The following SLC6A3 variants were observed in gnomAD, a reference collection of about 807,000 sequenced individuals.
SLC6A3 encodes the protein solute carrier family 6 member 3.
Under a neutral mutation model 70.4 loss-of-function variants are expected in SLC6A3, and 19 were observed. That is an observed-to-expected ratio of 0.27 (90% CI 0.19 to 0.40). The LOEUF is 0.40. Ranked by LOEUF, SLC6A3 falls within the 10% of genes least tolerant of loss-of-function variation. SLC6A3 has a pLI of 1.00. For synonymous variants in SLC6A3, 368 were observed against 356.6 expected (o/e 1.03, Z -0.36); for missense variants, 613 against 838.5 (o/e 0.73, Z 3.32).
In SLC6A3 at chr5:1,393,379, T is replaced by C. The variant is rs28363172; in HGVS notation, c.*1356A>G. ...TTATTCTTGTAAACAAAAACTGCAA[T>C]ATCAGCAAGCAGGCTCGCGGATACT... On this transcript the variant is annotated 3_prime_UTR_variant, in exon 15 of 15. Coordinates refer to ENST00000270349, the MANE Select transcript of SLC6A3 (RefSeq NM_001044.5). The C allele has an allele frequency of 1.4e-3, 213 of 152,796 alleles. 1 individual carries two copies. The highest frequency in any genetic ancestry group is 4.4e-3 in the African/African-American group (185 of 41,596). 9.5% of individuals were successfully genotyped at this position (152,796 alleles called of 1,614,324 possible). A position where few individuals can be genotyped will look rare whatever the true frequency, so the allele number is the denominator to read the frequency against.
chr5:1,431,330 C>T (rs1756696300), intron 4 of SLC6A3, among the ~76,000 whole-genome samples: 1 of 152,196 alleles, frequency 6.6e-6, no homozygotes, highest in Admixed American at 6.5e-5. Context: ...TCGGAGACAT[C>T]GGGGTCCAGG....
chr5:1,444,919 A>G (rs929086321), intron 1 of SLC6A3, among the ~76,000 whole-genome samples: 3 of 151,814 alleles, frequency 2.0e-5, no homozygotes, highest in African/African-American at 4.8e-5. Context: ...ACCACCCCCA[A>G]CACAGACAAA....
At chr5:1,443,365 G>T in intron 1 of SLC6A3, 123 bp from the exon 2 acceptor site, 1 of 785,574 alleles carries the variant, frequency 1.3e-6, no homozygotes, top group Non-Finnish European at 2.2e-6. Flanking sequence ...TCTGGGAAGG[G>T]ATGGGTGCGT....
At chr5:1,443,828 C>T (rs990586021) in intron 1 of SLC6A3, among the ~76,000 whole-genome samples, 4 of 151,960 alleles carry the variant, frequency 2.6e-5, no homozygotes, top group African/African-American at 4.8e-5. Context: ...ACCACAGCAC[C>T]GGCTAAGTTA....
chr5:1,436,816 C>T lies in SLC6A3; in HGVS notation c.419-4118G>A, dbSNP rs1218698664. ...ACGGCCACCCTGCCCCACCCCTGAACACCAGTACACCCCAGGGCACCCACG... is the reference window on the plus strand; with the variant it reads ...ACGGCCACCCTGCCCCACCCCTGAATACCAGTACACCCCAGGGCACCCACG... On this transcript the variant is annotated intron_variant, in intron 3 of 14. Transcript: ENST00000270349. This position sits in a 1 kb window ranked among gnomAD's most constrained non-coding sequence, Gnocchi z 5.2. Among the ~76,000 whole-genome samples, 2 of 152,200 alleles carry T rather than the reference C, an allele frequency of 1.3e-5. No individual in the cohort carries two copies. Among genetic ancestry groups the T allele is most frequent in the Admixed American group, 1.3e-4 (2 of 15,280 alleles).
At position 1,414,757 on chromosome 5, in the gene SLC6A3, C is replaced by T. The variant is rs565107249; in HGVS notation, c.1090G>A (p.Val364Ile). ...SLTSFSSGFV[V>I]FSFLGYMAQK... is the part of the protein sequence containing the mutation. The stretch of plus-strand genomic sequence containing the variant: ...GCCATGTACCCCAGGAAGGAGAAGA[C>T]GACGAAGCCGGAGGAGAAGCTCGTC... Residue 364 changes from valine to isoleucine, a missense_variant, in exon 8 of 15, where the codon GTC (valine) becomes ATC (isoleucine). By Grantham distance (29) the Val-to-Ile change is conservative. Around this residue, in one of 4 missense-constraint regions of SLC6A3, gnomAD observed 348 missense variants for 481.2 expected, o/e 0.72. Transcript: ENST00000270349. 9.9e-5 allele frequency: 159 copies of T among 1,612,862 alleles called. No individual in the cohort carries two copies. In the South Asian group the frequency reaches 1.4e-3, roughly 15 times the overall value.
rs1411357782 is a variant in SLC6A3 at position 1,405,530 on chromosome 5, C to T, written c.1599+658G>A. On this transcript the variant is annotated intron_variant, in intron 12 of 14. Transcript: ENST00000270349. This position sits in a 1 kb window ranked among gnomAD's most constrained non-coding sequence, Gnocchi z 5.3. ...TTGGACAGCTCTTAGGTTGCCTGCC[C>T]AGATCAGGCAGCACAGCTTTGCTTT... Among the ~76,000 whole-genome samples, 33 of 152,228 alleles carry T rather than the reference C, an allele frequency of 2.2e-4. 1 individual carries two copies. The highest frequency in any genetic ancestry group is 2.2e-3 in the Admixed American group (33 of 15,290).
Position 1,394,568 on chromosome 5 carries a change from G to A in SLC6A3, c.*167C>T. The A allele has an allele frequency of 1.3e-6, 1 of 763,304 alleles. No individual in the cohort carries two copies. Among genetic ancestry groups the A allele is most frequent in the Admixed American group, 1.9e-5 (1 of 52,144 alleles). 47.3% of individuals were successfully genotyped at this position (763,304 alleles called of 1,614,324 possible). A position where few individuals can be genotyped will look rare whatever the true frequency, so the allele number is the denominator to read the frequency against. On this transcript the variant is annotated 3_prime_UTR_variant, in exon 15 of 15. Coordinates refer to ENST00000270349, the MANE Select transcript of SLC6A3 (RefSeq NM_001044.5). The surrounding 1 kb of genome is among the most constrained non-coding windows in gnomAD (Gnocchi z 4.7). ...GCGAGGTGCGCTCCCGGCACGGAAA[G>A]GTGTAAACAGTCAGAAGAGAGGAGT...
chr5:1,411,538 A>G lies in SLC6A3; in HGVS notation c.1157-183T>C, dbSNP rs1243419189. 3.3e-5 allele frequency among the ~76,000 whole-genome samples: 5 copies of G among 152,206 alleles called. No homozygotes were observed. The highest frequency in any genetic ancestry group is 3.3e-4 in the Admixed American group (5 of 15,280). ...CCAGGCCTGGGACTCAGGAAAGCGG[A>G]AACCCAGAACTGATCAGAGGGCTTT... On this transcript the variant is annotated intron_variant, in intron 8 of 14. Transcript: ENST00000270349. The surrounding 1 kb of genome is among the most constrained non-coding windows in gnomAD (Gnocchi z 6.5).
At position 1,409,105 on chromosome 5, in the gene SLC6A3, C is replaced by G; in HGVS notation, c.1419G>C (p.Thr473=). 6.2e-7 allele frequency: 1 copy of G among 1,611,726 alleles called. No individual in the cohort carries two copies. Among genetic ancestry groups the G allele is most frequent in the Non-Finnish European group, 8.5e-7 (1 of 1,179,180 alleles). ...CVTNGGIYVF[T]LLDHFAAGTS... is the part of the protein sequence containing the mutation. ...TGCCGGCTGCAAAATGGTCCAGGAG[C>G]GTGAAGACGTAGATGCCACCCTGGA... Residue 473 remains threonine, a synonymous_variant, in exon 11 of 15, where the codon ACG becomes ACC. Coordinates refer to ENST00000270349, the MANE Select transcript of SLC6A3 (RefSeq NM_001044.5).
rs919406413 is a variant in SLC6A3 at position 1,404,441 on chromosome 5, T to C, written c.1600-1352A>G. Among the ~76,000 whole-genome samples, 2 of 152,234 alleles carry C rather than the reference T, an allele frequency of 1.3e-5. No homozygotes were observed. The highest frequency in any genetic ancestry group is 4.8e-5 in the African/African-American group (2 of 41,466). On this transcript the variant is annotated intron_variant, in intron 12 of 14. Transcript: ENST00000270349. The surrounding 1 kb of genome is among the most constrained non-coding windows in gnomAD (Gnocchi z 5.2). Reference sequence around the variant, plus strand: ...TATTGCTGTAATGTGCTCTCTGTTATTGTTCAACTTCTTGCTAGATACCAC... The same window carrying C: ...TATTGCTGTAATGTGCTCTCTGTTACTGTTCAACTTCTTGCTAGATACCAC...
At position 1,409,717 on chromosome 5, in the gene SLC6A3, G is replaced by T. The variant is rs567904721; in HGVS notation, c.1398+4C>A. 1.9e-6 allele frequency: 3 copies of T among 1,613,164 alleles called. No individual in the cohort carries two copies. Among genetic ancestry groups the T allele is most frequent in the Admixed American group, 1.7e-5 (1 of 60,034 alleles). On this transcript the variant is annotated splice_donor_region_variant and intron_variant, in intron 10 of 14. Transcript: ENST00000270349. ...GAGAAGGCGAAGCCGGCGATGGTAC[G>T]TACGTTGGTGACGCAGAACAGGGAC...
chr5:1,407,004 A>C (rs1213305629), intron 11 of SLC6A3, among the ~76,000 whole-genome samples: 1 of 152,240 alleles, frequency 6.6e-6, no homozygotes, highest in Non-Finnish European at 1.5e-5. Context: ...ATATTCCGTC[A>C]TGAGTATACC....
intron 4 of SLC6A3, among the ~76,000 whole-genome samples, chr5:1,425,916 C>T (rs910730704): frequency 1.3e-5 from 2 of 152,130 alleles, no homozygotes; most frequent in African/African-American, 4.8e-5. Context: ...TGAAGAGATG[C>T]CCAACAGTCA....
rs757293779 is a variant in SLC6A3, at chr5:1,422,033, G to A, written c.654-19C>T. On this transcript the variant is annotated intron_variant, in intron 4 of 14. Coordinates refer to ENST00000270349, the MANE Select transcript of SLC6A3 (RefSeq NM_001044.5). ...GCCACGTCTGCAGAGGGGAGTCAGC[G>A]GGGGACTCTGTGGGTGGCTGTCAAC... 22 of 1,606,576 alleles carry A rather than the reference G, an allele frequency of 1.4e-5. No individual in the cohort carries two copies. Among genetic ancestry groups the A allele is most frequent in the East Asian group, 6.7e-5 (3 of 44,840 alleles).
At position 1,443,156 on chromosome 5, in the gene SLC6A3, C is replaced by G; in HGVS notation, c.42G>C (p.Val14=). Reference sequence around the variant, plus strand: ...CATTGGGCTCCTTAGCCGGGGCCACCACGGAAGACATGAGTCCCACGGAGC... The same window carrying G: ...CATTGGGCTCCTTAGCCGGGGCCACGACGGAAGACATGAGTCCCACGGAGC... ...SKCSVGLMSS[V]VAPAKEPNAV... Residue 14 remains valine, a synonymous_variant, in exon 2 of 15, where the codon GTG becomes GTC. Transcript: ENST00000270349. The G allele has an allele frequency of 6.2e-7, 1 of 1,614,260 alleles. No homozygotes were observed. The highest frequency in any genetic ancestry group is 8.5e-7 in the Non-Finnish European group (1 of 1,180,048).
chr5:1,403,073 C>G lies in SLC6A3; in HGVS notation c.1616G>C (p.Ser539Thr). 1.2e-6 allele frequency: 2 copies of G among 1,613,706 alleles called. No homozygotes were observed. The highest frequency in any genetic ancestry group is 1.7e-6 in the Non-Finnish European group (2 of 1,180,006). The change falls in exon 13 of 15, where the codon AGC (serine) becomes ACC (threonine). Residue 539 changes from serine to threonine, a missense_variant. Coordinates refer to ENST00000270349, the MANE Select transcript of SLC6A3 (RefSeq NM_001044.5). ...GTGGGGGGGTCTGAAGGTCACAATGCTGACCACGACCACGAACTGCAACCA... is the reference window on the plus strand; with the variant it reads ...GTGGGGGGGTCTGAAGGTCACAATGGTGACCACGACCACGAACTGCAACCA... ...PCFLLFVVVV[S>T]IVTFRPPHYG...
chr5:1,401,098 C>A lies in SLC6A3; in HGVS notation c.1768-112G>T, dbSNP rs1755840076. The A allele has an allele frequency of 2.5e-6, 2 of 811,746 alleles. No homozygotes were observed. Among genetic ancestry groups the A allele is most frequent in the East Asian group, 5.3e-5 (2 of 37,684 alleles). The allele number at this position is 811,746 out of a possible 1,614,324, so 50.3% of individuals were successfully genotyped here. On this transcript the variant is annotated intron_variant, in intron 13 of 14. Coordinates refer to ENST00000270349, the MANE Select transcript of SLC6A3 (RefSeq NM_001044.5). This position sits in a 1 kb window ranked among gnomAD's most constrained non-coding sequence, Gnocchi z 6.1. ...CCTACCAGCACCCTCACCACCAGCC[C>A]TCCTCACCTGCCAATGCCCACCCGC... is the stretch of plus-strand genomic sequence containing the variant.
At chr5:1,420,764 T>C (rs2126368414) in intron 5 of SLC6A3, 61 bp from the exon 6 acceptor site, 2 of 1,592,026 alleles carry the variant, frequency 1.3e-6, no homozygotes, top group East Asian at 2.2e-5. Context: ...GAGCAGACAC[T>C]GGCACAAGGG....
Sources: allele counts gnomAD v4.1 joint callset (sites outside exome capture counted in the v4.1 genomes callset), GRCh38; gene constraint gnomAD v4.1.1; regional missense constraint gnomAD v4.1.1; non-coding constraint Gnocchi (gnomAD v3.1); transcripts MANE v1.5; gene names NCBI Gene and HGNC (gene_info 2026-07-23, HGNC 2026-07-21).